GRID1: variants seen among roughly 807,000 people sequenced by gnomAD.
The protein encoded by GRID1 is glutamate ionotropic receptor delta type subunit 1.
A neutral mutation model predicts 98.0 loss-of-function variants in GRID1; 28 were observed. The ratio of observed to expected loss-of-function variants is 0.29; its 90% confidence interval spans 0.21 to 0.39. The LOEUF (loss-of-function observed/expected upper bound fraction) is 0.39, where lower values mean the gene tolerates loss of function less well. Among genes scored for constraint, GRID1 ranks in the 10% least tolerant of loss-of-function variants. The probability of loss-of-function intolerance (pLI) is 1.00; values close to 1 mark genes in which losing one functional copy is unlikely to be tolerated. For synonymous variants in GRID1, 553 were observed against 538.5 expected (o/e 1.03, Z -0.37); for missense variants, 1,111 against 1,340.5 (o/e 0.83, Z 2.67).
At chr10:85,800,401 A>G (rs962837457) in intron 8 of GRID1, among the ~76,000 whole-genome samples, 2 of 152,110 alleles carry the variant, frequency 1.3e-5, no homozygotes, top group Admixed American at 1.3e-4. Context: ...TACAAGATAG[A>G]AACAAAAACA....
Position 85,708,050 on chromosome 10 carries a change from A to G in GRID1, c.1997+14953T>C, listed in dbSNP as rs867125547. Among the ~76,000 whole-genome samples, 10 of 151,808 alleles carry G rather than the reference A, an allele frequency of 6.6e-5. 1 individual carries two copies. In the South Asian group the frequency reaches 1.9e-3, roughly 28 times the overall value. ...AATGAGTGCAGCACACCAACATGGCACATGTGTATATATATAACAAACCTG... is the reference window on the plus strand; with the variant it reads ...AATGAGTGCAGCACACCAACATGGCGCATGTGTATATATATAACAAACCTG... On this transcript the variant is annotated intron_variant, in intron 12 of 15. Transcript: ENST00000327946.
chr10:86,088,443 A>G (rs922605983), intron 4 of GRID1, among the ~76,000 whole-genome samples: 1 of 152,244 alleles, frequency 6.6e-6, no homozygotes, highest in Non-Finnish European at 1.5e-5. Flanking sequence ...AACATGTTTG[A>G]AAAATGAGCA....
At chr10:85,671,943 G>A (rs1053057015) in intron 12 of GRID1, among the ~76,000 whole-genome samples, 1 of 152,142 alleles carries the variant, frequency 6.6e-6, no homozygotes, top group East Asian at 1.9e-4. Flanking sequence ...CAATTTTAAC[G>A]AAGGCTGAGA....
chr10:86,114,608 C>G (rs1844545094), intron 4 of GRID1, among the ~76,000 whole-genome samples: 1 of 152,188 alleles, frequency 6.6e-6, no homozygotes, highest in East Asian at 1.9e-4. Context: ...TCCCCTCAGA[C>G]TGCAGACCTG....
rs750403352 is a variant in GRID1 at position 86,149,820 on chromosome 10, C to T, written c.521-10796G>A. 4.0e-4 allele frequency among the ~76,000 whole-genome samples: 61 copies of T among 152,272 alleles called. 1 individual carries two copies. The highest frequency in any genetic ancestry group is 6.8e-3 in the Middle Eastern group (2 of 294). ...GTTCCAGTATTTGGATAAAATTCCGCGGTGTTTATCTGCTACTGTCTTTCA... is the reference window on the plus strand; with the variant it reads ...GTTCCAGTATTTGGATAAAATTCCGTGGTGTTTATCTGCTACTGTCTTTCA... On this transcript the variant is annotated intron_variant, in intron 3 of 15. Transcript: ENST00000327946.
chr10:86,013,717 A>G (rs1174924984), intron 4 of GRID1, among the ~76,000 whole-genome samples: 1 of 152,226 alleles, frequency 6.6e-6, no homozygotes. Context: ...CTGACCAGTT[A>G]AGAGAAGAAC....
chr10:85,777,344 C>A (rs1207740086), intron 8 of GRID1, among the ~76,000 whole-genome samples: 7 of 152,250 alleles, frequency 4.6e-5, no homozygotes, highest in Admixed American at 1.3e-4. Flanking sequence ...GTCCACTCAA[C>A]AAATCCATTC....
intron 12 of GRID1, among the ~76,000 whole-genome samples, chr10:85,683,949 G>C (rs893532960): frequency 3.3e-5 from 5 of 152,150 alleles, no homozygotes; most frequent in African/African-American, 1.2e-4. Flanking sequence ...CTGGCAGTTA[G>C]ATTACAGCCA....
chr10:85,704,804 G>T (rs746313714), intron 12 of GRID1, among the ~76,000 whole-genome samples: 35 of 152,160 alleles, frequency 2.3e-4, no homozygotes, highest in Non-Finnish European at 4.4e-4. Flanking sequence ...TAGAACTCAG[G>T]ATTAAGAAAC....
chr10:85,888,648 G>A (rs185444894), intron 5 of GRID1, among the ~76,000 whole-genome samples: 7 of 152,340 alleles, frequency 4.6e-5, no homozygotes, highest in African/African-American at 9.6e-5. Flanking sequence ...GGTGATGGAC[G>A]TGTTTAGGTG....
chr10:85,659,177 A>ATG (rs1328450151), intron 12 of GRID1, among the ~76,000 whole-genome samples: 1 of 152,238 alleles, frequency 6.6e-6, no homozygotes, highest in Non-Finnish European at 1.5e-5. Context: ...GTGCTTGCAC[A>ATG]TGTGTGTGCA....
rs947313590 is a variant in GRID1 at position 85,641,004 on chromosome 10, C to T, written c.2193+6198G>A. Among the ~76,000 whole-genome samples, 4 of 152,352 alleles carry T rather than the reference C, an allele frequency of 2.6e-5. No individual in the cohort carries two copies. The South Asian group carries it at 8.3e-4, about 32-fold the overall frequency. ...CTCCAGCCACAGGGTCTGAAACAAG[C>T]TACTCATCTATTTATTCAAAGGACT... On this transcript the variant is annotated intron_variant, in intron 13 of 15. Coordinates refer to ENST00000327946, the MANE Select transcript of GRID1 (RefSeq NM_017551.3).
chr10:86,249,398 C>A (rs1387325613), intron 2 of GRID1, among the ~76,000 whole-genome samples: 1 of 152,298 alleles, frequency 6.6e-6, no homozygotes, highest in Admixed American at 6.5e-5. Context: ...TCCTTGGACC[C>A]TCATATCCCA....
intron 5 of GRID1, among the ~76,000 whole-genome samples, chr10:85,893,152 T>G (rs552772658): frequency 6.6e-6 from 1 of 152,130 alleles, no homozygotes; most frequent in East Asian, 1.9e-4. Context: ...TCTCAATAGA[T>G]GCACAAAAAA....
chr10:85,611,234 C>T (rs1792931747), intron 15 of GRID1, among the ~76,000 whole-genome samples: 1 of 152,172 alleles, frequency 6.6e-6, no homozygotes, highest in Non-Finnish European at 1.5e-5. Flanking sequence ...TAGACCACAA[C>T]AATTAACTGT....
Position 85,619,841 on chromosome 10 carries a change from G to A in GRID1, c.2360+26C>T, listed in dbSNP as rs751274491. 3 of 1,589,632 alleles carry A rather than the reference G, an allele frequency of 1.9e-6. 1 individual carries two copies. Among genetic ancestry groups the A allele is most frequent in the South Asian group, 2.2e-5 (2 of 90,558 alleles). ...TGACCACTAGAGTCCTGAGGCAGCGGTAGTTACCTTGCTGCCCAAGCCTAC... is the reference window on the plus strand; with the variant it reads ...TGACCACTAGAGTCCTGAGGCAGCGATAGTTACCTTGCTGCCCAAGCCTAC... On this transcript the variant is annotated intron_variant, in intron 14 of 15. Transcript: ENST00000327946.
At chr10:85,689,277 A>C (rs77193167) in intron 12 of GRID1, among the ~76,000 whole-genome samples, 4,951 of 152,274 alleles carry the variant, frequency 0.033, 126 homozygotes, top group Middle Eastern at 0.048. Context: ...AGGAACAAAA[A>C]GTCAACAAGA....
At chr10:85,616,426 G>A (rs1324453405) in intron 14 of GRID1, among the ~76,000 whole-genome samples, 2 of 152,194 alleles carry the variant, frequency 1.3e-5, no homozygotes, top group Non-Finnish European at 1.5e-5. Flanking sequence ...TGGCCCAGGG[G>A]ATGGTGAGGC....
intron 8 of GRID1, among the ~76,000 whole-genome samples, chr10:85,798,889 G>A (rs1243259241): frequency 6.6e-6 from 1 of 151,762 alleles, no homozygotes; most frequent in Non-Finnish European, 1.5e-5. Flanking sequence ...TGTATTTGTT[G>A]TCTTTTTTTT....
Sources: allele counts gnomAD v4.1 joint callset (sites outside exome capture counted in the v4.1 genomes callset), GRCh38; gene constraint gnomAD v4.1.1; transcripts MANE v1.5; gene names NCBI Gene and HGNC (gene_info 2026-07-23, HGNC 2026-07-21).